NPTX1: variants seen among roughly 807,000 people sequenced by gnomAD.
The protein encoded by NPTX1 is neuronal pentraxin-1.
In NPTX1, 12 loss-of-function variants were observed where a neutral mutation model predicts 38.7. The ratio of observed to expected loss-of-function variants is 0.31; its 90% CI spans 0.20 to 0.50. NPTX1 has a LOEUF of 0.50. Ranked by LOEUF, NPTX1 falls within the 20% of genes least tolerant of loss-of-function variation. The probability of loss-of-function intolerance (pLI) is 0.98; values close to 1 mark genes in which losing one functional copy is unlikely to be tolerated. For missense variants in NPTX1, 454 were observed against 592.2 expected, an observed-to-expected ratio of 0.77 and a Z score of 2.42; for synonymous variants, 272 against 264.9, an observed-to-expected ratio of 1.03 and a Z score of -0.26.
chr17:80,473,855 A>G lies in NPTX1; in HGVS notation c.653-411T>C, dbSNP rs557812818. The G allele has an allele frequency of 1.7e-4, 36 of 212,108 alleles. No individual in the cohort carries two copies. The East Asian group carries it at 4.4e-3, about 26-fold the overall frequency. 13.1% of individuals were successfully genotyped at this position (212,108 alleles called of 1,614,324 possible). A position where few individuals can be genotyped will look rare whatever the true frequency, so the allele number is the denominator to read the frequency against. On this transcript the variant is annotated intron_variant, in intron 2 of 4. Transcript: ENST00000306773. Reference sequence around the variant, plus strand: ...GAACGAGGCTAGCTACCCTGAGAGTAACCGACCTGATTCCAGGATGGGGCG... The same window carrying G: ...GAACGAGGCTAGCTACCCTGAGAGTGACCGACCTGATTCCAGGATGGGGCG...
Position 80,476,436 on chromosome 17 carries a change from C to T in NPTX1, c.11G>A (p.Gly4Asp), listed in dbSNP as rs1158112521. The T allele has an allele frequency of 1.2e-5, 16 of 1,337,540 alleles. No homozygotes were observed. In the Admixed American group the frequency reaches 3.3e-4, roughly 27 times the overall value. 82.9% of individuals were successfully genotyped at this position (1,337,540 alleles called of 1,614,324 possible). A position where few individuals can be genotyped will look rare whatever the true frequency, so the allele number is the denominator to read the frequency against. Residue 4 changes from glycine (G) to aspartate (D), a missense_variant, in exon 1 of 5, where the codon GGC (glycine) becomes GAC (aspartate). Gly to Asp is a moderately conservative substitution (Grantham distance 94). Coordinates refer to ENST00000306773, the MANE Select transcript of NPTX1 (RefSeq NM_002522.4). The surrounding 1 kb of genome is among the most constrained non-coding windows in gnomAD (Gnocchi z 6.3). MPA[G>D]RAARTCALLA... ...CAGCGCACAGGTGCGCGCGGCGCGG[C>T]CGGCCGGCATGGCTGCGGGCACCGG...
rs752160121 is a variant in NPTX1, at chr17:80,475,723, G to A, written c.445-5C>T. On this transcript the variant is annotated splice_region_variant and splice_polypyrimidine_tract_variant and intron_variant, in intron 1 of 4. Transcript: ENST00000306773. This position sits in a 1 kb window ranked among gnomAD's most constrained non-coding sequence, Gnocchi z 6.5. ...GGAATTGAGGCGGCTGTACTGCTGC[G>A]GGGTGCAAGGGCGGGGGAAACCACA... 1.1e-5 allele frequency: 18 copies of A among 1,601,144 alleles called. No individual in the cohort carries two copies. The highest frequency in any genetic ancestry group is 1.4e-5 in the Non-Finnish European group (16 of 1,172,448).
intron 3 of NPTX1, among the ~76,000 whole-genome samples, chr17:80,472,302 T>C (rs748689056): frequency 2.0e-5 from 3 of 152,142 alleles, no homozygotes; most frequent in Non-Finnish European, 4.4e-5. Flanking sequence ...GCCTCCTTGC[T>C]GGCCTCTCCT....
rs1376060669 is a variant in NPTX1, at chr17:80,475,495, C to G, written c.652+16G>C. 4 of 1,596,390 alleles carry G rather than the reference C, an allele frequency of 2.5e-6. No individual in the cohort carries two copies. The highest frequency in any genetic ancestry group is 3.4e-6 in the Non-Finnish European group (4 of 1,172,808). On this transcript the variant is annotated intron_variant, in intron 2 of 4. Transcript: ENST00000306773. The surrounding 1 kb of genome is among the most constrained non-coding windows in gnomAD (Gnocchi z 6.5). ...CAGGTGCAGGCAGGCAGCACGGCTC[C>G]CCCTGGCCCCAGTACCTTTCTCGAG...
chr17:80,471,924 A>T lies in NPTX1; in HGVS notation c.898-13T>A. 6.2e-7 allele frequency: 1 copy of T among 1,605,728 alleles called. No homozygotes were observed. ...GCAACTTGGCCACCTGGGAAGGAGA[A>T]TGACAGACGCCAGCTGGTGAGTACA... On this transcript the variant is annotated splice_polypyrimidine_tract_variant and intron_variant, in intron 3 of 4. Coordinates refer to ENST00000306773, the MANE Select transcript of NPTX1 (RefSeq NM_002522.4).
Position 80,475,439 on chromosome 17 carries a change from A to AGGTATCGGGACCGAGGC in NPTX1, c.652+71_652+72insGCCTCGGTCCCGATACC. 8.2e-7 allele frequency: 1 copy of AGGTATCGGGACCGAGGC among 1,212,692 alleles called. No individual in the cohort carries two copies. The highest frequency in any genetic ancestry group is 1.2e-6 in the Non-Finnish European group (1 of 860,614). 75.1% of individuals were successfully genotyped at this position (1,212,692 alleles called of 1,614,324 possible). ...TTGCACAGTGCAGAGCTGGGCTGTT[A>AGGTATCGGGACCGAGGC]GGGATCGGGACCGAGGCAGGGTCGG... On this transcript the variant is annotated intron_variant, in intron 2 of 4. Transcript: ENST00000306773. This position sits in a 1 kb window ranked among gnomAD's most constrained non-coding sequence, Gnocchi z 6.5.
rs771180160 is a variant in NPTX1, at chr17:80,473,434, G to T, written c.663C>A (p.Asp221Glu). 6.2e-7 allele frequency: 1 copy of T among 1,613,910 alleles called. No homozygotes were observed. The highest frequency in any genetic ancestry group is 1.1e-5 in the South Asian group (1 of 91,082). ...GCTGGAACTTGTCTCCAGGGCGGTT[G>T]TCTTTCTGACCTGCGGAAGACACAG... ...RISELEKGQK[D>E]NRPGDKFQLT... Residue 221 changes from aspartate to glutamate, a missense_variant, in exon 3 of 5, where the codon GAC becomes GAA. This residue lies in a region of NPTX1 where 288 missense variants were observed against 318.4 expected (regional missense o/e 0.90). Transcript: ENST00000306773.
At chr17:80,471,130 G>C in intron 4 of NPTX1, 96 bp from the exon 5 acceptor site, 1 of 939,538 alleles carries the variant, frequency 1.1e-6, no homozygotes, top group Non-Finnish European at 1.6e-6. Context: ...GTGCCTGCCC[G>C]ATCACGGACT....
chr17:80,467,183 G>GT lies in NPTX1; in HGVS notation c.*3629_*3630insA, dbSNP rs1185237345. 2.6e-5 allele frequency: 1 copy of GT among 39,024 alleles called. No individual in the cohort carries two copies. The highest frequency in any genetic ancestry group is 6.5e-5 in the Non-Finnish European group (1 of 15,484). 2.4% of individuals were successfully genotyped at this position (39,024 alleles called of 1,614,324 possible). A position where few individuals can be genotyped will look rare whatever the true frequency, so the allele number is the denominator to read the frequency against. Reference sequence around the variant, plus strand: ...ACAAAATTGGGACTCTAAGTATTGGGCTTTTTTTTTCTCTTCAATGACTTG... The same window carrying GT: ...ACAAAATTGGGACTCTAAGTATTGGGTCTTTTTTTTTCTCTTCAATGACTTG... On this transcript the variant is annotated 3_prime_UTR_variant, in exon 5 of 5. Transcript: ENST00000306773.
intron 2 of NPTX1, chr17:80,474,604 A>C (rs1197663233): frequency 6.6e-6 from 1 of 152,428 alleles, no homozygotes; most frequent in East Asian, 1.9e-4. Flanking sequence ...GGGGATAGGG[A>C]GGGGCCCAGC....
In NPTX1 at chr17:80,467,949, C is replaced by T. The variant is rs1461019706; in HGVS notation, c.*2864G>A. Reference sequence around the variant, plus strand: ...GCCCGGAGAGCTTCTGTCAACAGCTCTCCCACCCCGGACACCCAGGGAGCT... The same window carrying T: ...GCCCGGAGAGCTTCTGTCAACAGCTTTCCCACCCCGGACACCCAGGGAGCT... On this transcript the variant is annotated 3_prime_UTR_variant, in exon 5 of 5. Coordinates refer to ENST00000306773, the MANE Select transcript of NPTX1 (RefSeq NM_002522.4). 3.3e-5 allele frequency: 5 copies of T among 152,756 alleles called. No homozygotes were observed. The highest frequency in any genetic ancestry group is 3.3e-4 in the Admixed American group (5 of 15,308). The allele number at this position is 152,756 out of a possible 1,614,324, so 9.5% of individuals were successfully genotyped here. A position where few individuals can be genotyped will look rare whatever the true frequency, so the allele number is the denominator to read the frequency against.
At chr17:80,473,051 C>G in intron 3 of NPTX1, 149 bp downstream of exon 3, 1 of 859,466 alleles carries the variant, frequency 1.2e-6, no homozygotes, top group Non-Finnish European at 1.8e-6. Context: ...CTGGTCTTCA[C>G]CCTCCCCCTC....
Position 80,475,684 on chromosome 17 carries a change from T to C in NPTX1, c.479A>G (p.Asn160Ser), listed in dbSNP as rs762970588. The stretch of plus-strand genomic sequence containing the variant: ...GCTCTGCAGCAGATCCTTGAGGCTG[T>C]TGGTCTGGCTGGAGGAATTGAGGCG... ...YSRLNSSSQT[N>S]SLKDLLQSKI... The change falls in exon 2 of 5, where the codon AAC (asparagine) becomes AGC (serine). Residue 160 changes from asparagine (N) to serine (S), a missense_variant. By Grantham distance (46) the Asn-to-Ser change is conservative. Transcript: ENST00000306773. This position sits in a 1 kb window ranked among gnomAD's most constrained non-coding sequence, Gnocchi z 6.5. 11 of 1,612,648 alleles carry C rather than the reference T, an allele frequency of 6.8e-6. No homozygotes were observed. The highest frequency in any genetic ancestry group is 4.4e-5 in the South Asian group (4 of 91,076).
chr17:80,475,387 G>T lies in NPTX1; in HGVS notation c.652+124C>A, dbSNP rs1363518449. On this transcript the variant is annotated intron_variant, in intron 2 of 4. Coordinates refer to ENST00000306773, the MANE Select transcript of NPTX1 (RefSeq NM_002522.4). This position sits in a 1 kb window ranked among gnomAD's most constrained non-coding sequence, Gnocchi z 6.5. ...CGGGGAATGAGAAAGCGGTGCAGGG[G>T]TTGGGGGTAGCGGAGCGGCTTGAGG... 8.5e-6 allele frequency: 6 copies of T among 702,792 alleles called. No homozygotes were observed. In the African/African-American group the frequency reaches 1.1e-4, roughly 12 times the overall value. The allele number at this position is 702,792 out of a possible 1,614,324, so 43.5% of individuals were successfully genotyped here.
Position 80,475,938 on chromosome 17 carries a change from G to A in NPTX1, c.444+65C>T. The A allele has an allele frequency of 1.5e-6, 2 of 1,373,394 alleles. No individual in the cohort carries two copies. Among genetic ancestry groups the A allele is most frequent in the South Asian group, 1.2e-5 (1 of 83,406 alleles). The allele number at this position is 1,373,394 out of a possible 1,614,324, so 85.1% of individuals were successfully genotyped here. Reference sequence around the variant, plus strand: ...GGGATGCCTGGCCGGGTAGGGAACGGGGTGGGGGAGGGCAGAGGGGCGAGC... The same window carrying A: ...GGGATGCCTGGCCGGGTAGGGAACGAGGTGGGGGAGGGCAGAGGGGCGAGC... On this transcript the variant is annotated intron_variant, in intron 1 of 4. Transcript: ENST00000306773. This position sits in a 1 kb window ranked among gnomAD's most constrained non-coding sequence, Gnocchi z 6.5.
chr17:80,471,630 A>T, intron 4 of NPTX1, 102 bp downstream of exon 4: 1 of 1,487,522 alleles, frequency 6.7e-7, no homozygotes, highest in Non-Finnish European at 8.9e-7. Context: ...TTCTCAGGGG[A>T]ACCACTTCTC....
chr17:80,476,127 C>T lies in NPTX1; in HGVS notation c.320G>A (p.Gly107Asp). ...PGAGEARAGG[G>D]RKQPGSGKNT... is the part of the protein sequence containing the mutation. ...CTTGCCCGAGCCGGGCTGCTTGCGG[C>T]CGCCGCCCGCCCGGGCCTCGCCGGC... Residue 107 changes from glycine (G) to aspartate (D), a missense_variant, in exon 1 of 5, where the codon GGC becomes GAC. Gly to Asp is a moderately conservative substitution (Grantham distance 94). Transcript: ENST00000306773. This position sits in a 1 kb window ranked among gnomAD's most constrained non-coding sequence, Gnocchi z 6.3. 6.3e-7 allele frequency: 1 copy of T among 1,598,394 alleles called. No individual in the cohort carries two copies.
chr17:80,468,291 A>T lies in NPTX1; in HGVS notation c.*2522T>A, dbSNP rs972470123. The T allele has an allele frequency of 6.5e-6, 1 of 153,132 alleles. No homozygotes were observed. The highest frequency in any genetic ancestry group is 1.5e-5 in the Non-Finnish European group (1 of 68,512). The allele number at this position is 153,132 out of a possible 1,614,324, so 9.5% of individuals were successfully genotyped here. A position where few individuals can be genotyped will look rare whatever the true frequency, so the allele number is the denominator to read the frequency against. ...TGGGTGGGTCAGAGGAGGGGTGAGG[A>T]AGGTGAGCGGGCCAGGAGGCTGCAG... On this transcript the variant is annotated 3_prime_UTR_variant, in exon 5 of 5. Coordinates refer to ENST00000306773, the MANE Select transcript of NPTX1 (RefSeq NM_002522.4).
rs2083884639 is a variant in NPTX1 at position 80,476,537 on chromosome 17, G to C, written c.-91C>G. On this transcript the variant is annotated 5_prime_UTR_variant, in exon 1 of 5. Coordinates refer to ENST00000306773, the MANE Select transcript of NPTX1 (RefSeq NM_002522.4). This position sits in a 1 kb window ranked among gnomAD's most constrained non-coding sequence, Gnocchi z 6.3. ...CGGCTCGGGCTGTGGCTCCGCGAGCGGCCCGCGCTCTGGGCGCCGCGCTCT... is the reference window on the plus strand; with the variant it reads ...CGGCTCGGGCTGTGGCTCCGCGAGCCGCCCGCGCTCTGGGCGCCGCGCTCT... The C allele has an allele frequency of 2.8e-6, 2 of 721,982 alleles. No individual in the cohort carries two copies. The highest frequency in any genetic ancestry group is 3.4e-6 in the Non-Finnish European group (2 of 584,628). The allele number at this position is 721,982 out of a possible 1,614,324, so 44.7% of individuals were successfully genotyped here.
Sources: allele counts gnomAD v4.1 joint callset (sites outside exome capture counted in the v4.1 genomes callset), GRCh38; gene constraint gnomAD v4.1.1; regional missense constraint gnomAD v4.1.1; non-coding constraint Gnocchi (gnomAD v3.1); transcripts MANE v1.5; gene names NCBI Gene and HGNC (gene_info 2026-07-23, HGNC 2026-07-21).